The following TMEM135 variants were observed in gnomAD, a reference collection of about 807,000 sequenced individuals.
The protein encoded by TMEM135 is peroxisomal membrane protein 52.
A neutral mutation model predicts 60.3 loss-of-function variants in TMEM135; 30 were observed. The observed-to-expected ratio is 0.50, with a 90% CI of 0.37 to 0.68. The LOEUF (loss-of-function observed/expected upper bound fraction) is 0.68. Ranked by LOEUF, TMEM135 falls within the 30% of genes least tolerant of loss-of-function variation. TMEM135 has a pLI of 0.00. For synonymous variants in TMEM135, 190 were observed against 186.7 expected, an observed-to-expected ratio of 1.02 and a Z score of -0.14; for missense variants, 468 against 548.8, an observed-to-expected ratio of 0.85 and a Z score of 1.47.
intron 4 of TMEM135, among the ~76,000 whole-genome samples, chr11:87,139,143 C>G: frequency 6.6e-6 from 1 of 152,060 alleles, no homozygotes; most frequent in East Asian, 1.9e-4. Context: ...ATATGAATTT[C>G]TTTCTAAAGC....
intron 9 of TMEM135, among the ~76,000 whole-genome samples, chr11:87,307,422 CT>C (rs1942569727): frequency 6.6e-6 from 1 of 150,404 alleles, no homozygotes; most frequent in African/African-American, 2.4e-5. Flanking sequence ...TCCAAGTCAG[CT>C]GATAACCTGG....
intron 3 of TMEM135, among the ~76,000 whole-genome samples, chr11:87,082,810 A>G (rs973956676): frequency 2.0e-5 from 3 of 152,228 alleles, no homozygotes; most frequent in African/African-American, 4.8e-5. Context: ...GATGACTAGC[A>G]GTTTCTTTTT....
chr11:87,299,487 C>G (rs577778994), intron 7 of TMEM135, among the ~76,000 whole-genome samples: 10 of 152,268 alleles, frequency 6.6e-5, no homozygotes, highest in Non-Finnish European at 1.5e-4. Flanking sequence ...GATTACAACT[C>G]GAGATGAGAT....
intron 14 of TMEM135, among the ~76,000 whole-genome samples, chr11:87,320,003 T>C (rs900279546): frequency 3.9e-5 from 6 of 152,140 alleles, no homozygotes; most frequent in Non-Finnish European, 7.4e-5. Context: ...ATACATTGTA[T>C]GGTTGTAGGA....
chr11:87,305,018 G>A (rs776780357), intron 8 of TMEM135, among the ~76,000 whole-genome samples: 16 of 152,142 alleles, frequency 1.1e-4, no homozygotes, highest in Non-Finnish European at 2.2e-4. Context: ...GGGTTAAGTG[G>A]TTTACAATTA....
rs1489695469 is a variant in TMEM135, at chr11:87,309,452, CA to C, written c.769-48del. On this transcript the variant is annotated intron_variant, in intron 9 of 14. Coordinates refer to ENST00000305494, the MANE Select transcript of TMEM135 (RefSeq NM_022918.4). The stretch of plus-strand genomic sequence containing the variant: ...TGAGATGGTAAAATTCGTATTCTAT[CA>C]AAAACTTCAAAATTTGTTTGTAAAT... The C allele has an allele frequency of 5.0e-6, 8 of 1,599,324 alleles. No homozygotes were observed. The East Asian group carries it at 1.8e-4, about 36-fold the overall frequency.
intron 5 of TMEM135, among the ~76,000 whole-genome samples, chr11:87,193,548 G>A (rs1174871174): frequency 2.0e-5 from 3 of 151,998 alleles, no homozygotes; most frequent in Admixed American, 6.6e-5. Flanking sequence ...ACTGTTTTTG[G>A]TGGGGGGATA....
At chr11:87,127,977 A>C (rs1304452414) in intron 4 of TMEM135, among the ~76,000 whole-genome samples, 2 of 152,198 alleles carry the variant, frequency 1.3e-5, no homozygotes, top group Non-Finnish European at 2.9e-5. Flanking sequence ...GGAACTTTGA[A>C]CATCTCTTAA....
Position 87,326,362 on chromosome 11 carries a change from AACTAGG to A in TMEM135, c.*5032_*5037del. 2.2e-6 allele frequency: 1 copy of A among 454,082 alleles called. No homozygotes were observed. The highest frequency in any genetic ancestry group is 4.4e-6 in the Non-Finnish European group (1 of 226,774). 28.1% of individuals were successfully genotyped at this position (454,082 alleles called of 1,614,324 possible). On this transcript the variant is annotated 3_prime_UTR_variant, in exon 15 of 15. Transcript: ENST00000305494. ...GCATTACTACTTTCCTCCATCCCTG[AACTAGG>A]ACCAGTTAATTTTCGAAGTCTAGTT... is the stretch of plus-strand genomic sequence containing the variant.
At chr11:87,304,520 A>G (rs1289963945) in intron 8 of TMEM135, among the ~76,000 whole-genome samples, 7 of 148,018 alleles carry the variant, frequency 4.7e-5, no homozygotes, top group Non-Finnish European at 1.1e-4. Flanking sequence ...ACTGCTTGTC[A>G]GGTCTCCAGC....
At chr11:87,287,945 A>G (rs1025461375) in intron 6 of TMEM135, among the ~76,000 whole-genome samples, 4 of 152,200 alleles carry the variant, frequency 2.6e-5, no homozygotes, top group Non-Finnish European at 4.4e-5. Context: ...CTGTTCCTAA[A>G]TGATCAAGAA....
At chr11:87,073,405 A>G (rs1198824632) in intron 3 of TMEM135, among the ~76,000 whole-genome samples, 1 of 152,216 alleles carries the variant, frequency 6.6e-6, no homozygotes, top group Non-Finnish European at 1.5e-5. Context: ...GTTTGATTAT[A>G]TCAATGACTA....
intron 1 of TMEM135, among the ~76,000 whole-genome samples, chr11:87,054,833 C>CT (rs144284265): frequency 0.014 from 2,205 of 152,188 alleles, 13 homozygotes; most frequent in Non-Finnish European, 0.024. Context: ...AACTCTCAAG[C>CT]ACAGGAGGCA....
chr11:87,321,073 G>A, intron 14 of TMEM135, 128 bp from the exon 15 acceptor site: 2 of 769,626 alleles, frequency 2.6e-6, no homozygotes, highest in Non-Finnish European at 4.1e-6. Flanking sequence ...ATCTGCCATT[G>A]AATTTAGATC....
intron 4 of TMEM135, among the ~76,000 whole-genome samples, chr11:87,102,730 A>ATATATATATG (rs1565441815): frequency 2.2e-4 from 24 of 109,742 alleles, no homozygotes; most frequent in East Asian, 1.9e-3. Flanking sequence ...ATATATATGT[A>ATATATATATG]TATATATATG....
At chr11:87,136,266 T>C (rs1938096238) in intron 4 of TMEM135, among the ~76,000 whole-genome samples, 1 of 152,050 alleles carries the variant, frequency 6.6e-6, no homozygotes, top group African/African-American at 2.4e-5. Flanking sequence ...TTTTTCTGTA[T>C]CTATAGAGAT....
rs764414876 is a variant in TMEM135, at chr11:87,204,688, A to G, written c.463-31950A>G. Among the ~76,000 whole-genome samples the G allele has an allele frequency of 4.3e-4, 65 of 152,300 alleles. No individual in the cohort carries two copies. In the Middle Eastern group the frequency reaches 0.014, roughly 32 times the overall value. ...GTTCTTTAAGTGGAAGTGGATCATC[A>G]TAAGTGGAAGTGGATCATCATAAAG... On this transcript the variant is annotated intron_variant, in intron 5 of 14. Coordinates refer to ENST00000305494, the MANE Select transcript of TMEM135 (RefSeq NM_022918.4).
chr11:87,178,272 C>T (rs1404638797), intron 5 of TMEM135, among the ~76,000 whole-genome samples: 2 of 152,186 alleles, frequency 1.3e-5, no homozygotes, highest in African/African-American at 2.4e-5. Flanking sequence ...AGTACTGTCA[C>T]CTTGAAATTC....
intron 3 of TMEM135, among the ~76,000 whole-genome samples, chr11:87,086,377 GC>G (rs1857096635): frequency 6.6e-6 from 1 of 152,122 alleles, no homozygotes; most frequent in Non-Finnish European, 1.5e-5. Context: ...TACGTGGCCC[GC>G]CTGTGTTATG....
Sources: allele counts gnomAD v4.1 joint callset (sites outside exome capture counted in the v4.1 genomes callset), GRCh38; gene constraint gnomAD v4.1.1; transcripts MANE v1.5; gene names NCBI Gene and HGNC (gene_info 2026-07-23, HGNC 2026-07-21).